SPTLC2: variants seen among roughly 807,000 people sequenced by gnomAD.
SPTLC2 encodes the protein serine palmitoyltransferase 2.
In SPTLC2, 21 loss-of-function variants were observed where a neutral mutation model predicts 62.0. That is an observed-to-expected ratio of 0.34 (90% CI 0.24 to 0.49). The LOEUF (loss-of-function observed/expected upper bound fraction) is 0.49. Ranked by LOEUF, SPTLC2 falls within the 20% of genes least tolerant of loss-of-function variation. SPTLC2 has a pLI of 0.99. For synonymous variants in SPTLC2, 261 were observed against 261.8 expected, an observed-to-expected ratio of 1.00 and a Z score of 0.03; for missense variants, 511 against 713.0, an observed-to-expected ratio of 0.72 and a Z score of 3.23.
intron 2 of SPTLC2, among the ~76,000 whole-genome samples, chr14:77,582,000 T>G (rs557875576): frequency 3.3e-5 from 5 of 152,172 alleles, no homozygotes; most frequent in Admixed American, 2.0e-4. Context: ...GTACTAACGC[T>G]TCTAATGAAG....
In SPTLC2 at chr14:77,578,732, A is replaced by T. The variant is rs1997561; in HGVS notation, c.482+223T>A. 184,535 of 463,602 alleles carry T rather than the reference A, an allele frequency of 0.4. 41,096 individuals carry two copies. The highest frequency in any genetic ancestry group is 0.45 in the Non-Finnish European group (116,361 of 259,742). 28.7% of individuals were successfully genotyped at this position (463,602 alleles called of 1,614,324 possible). On this transcript the variant is annotated intron_variant, in intron 3 of 11. Transcript: ENST00000216484. Reference sequence around the variant, plus strand: ...GAAACTCCATCTCAAAAAATAAATAAGCCAAATTTTCTTCTGAACTATAAT... The same window carrying T: ...GAAACTCCATCTCAAAAAATAAATATGCCAAATTTTCTTCTGAACTATAAT...
chr14:77,520,327 C>T (rs2079379696), intron 10 of SPTLC2, among the ~76,000 whole-genome samples: 1 of 152,216 alleles, frequency 6.6e-6, no homozygotes, highest in South Asian at 2.1e-4. Flanking sequence ...AGCACCTTTT[C>T]CTTACTTCCC....
intron 2 of SPTLC2, among the ~76,000 whole-genome samples, chr14:77,580,689 C>T (rs2079745053): frequency 6.6e-6 from 1 of 152,096 alleles, no homozygotes; most frequent in Non-Finnish European, 1.5e-5. Context: ...CACCACTGCA[C>T]TCCAGTCTGT....
At chr14:77,571,260 C>T (rs2079680817) in intron 4 of SPTLC2, among the ~76,000 whole-genome samples, 1 of 152,142 alleles carries the variant, frequency 6.6e-6, no homozygotes, top group Admixed American at 6.5e-5. Flanking sequence ...CCTGTAATTC[C>T]AGCACTTTGG....
At chr14:77,614,913 G>A (rs1176107406) in intron 1 of SPTLC2, among the ~76,000 whole-genome samples, 9 of 151,278 alleles carry the variant, frequency 5.9e-5, no homozygotes, top group Admixed American at 1.3e-4. Context: ...GGAGGCTGCA[G>A]TGAGCCGAGA....
rs139469733 is a variant in SPTLC2, at chr14:77,578,155, A to T, written c.482+800T>A. 3.9e-5 allele frequency among the ~76,000 whole-genome samples: 6 copies of T among 152,010 alleles called. No homozygotes were observed. In the South Asian group the frequency reaches 8.3e-4, roughly 21 times the overall value. The stretch of plus-strand genomic sequence containing the variant: ...GCGAGACTCTGACTCAAATAAATGA[A>T]TAAGTAAACAAACAAACAAATACAA... On this transcript the variant is annotated intron_variant, in intron 3 of 11. Coordinates refer to ENST00000216484, the MANE Select transcript of SPTLC2 (RefSeq NM_004863.4).
At chr14:77,602,690 C>A (rs2079884704) in intron 1 of SPTLC2, among the ~76,000 whole-genome samples, 1 of 151,982 alleles carries the variant, frequency 6.6e-6, no homozygotes, top group Non-Finnish European at 1.5e-5. Flanking sequence ...GCTGGGACCA[C>A]AGCACAATAA....
At chr14:77,600,997 CAT>C (rs1477219781) in intron 1 of SPTLC2, among the ~76,000 whole-genome samples, 1 of 152,088 alleles carries the variant, frequency 6.6e-6, no homozygotes, top group Non-Finnish European at 1.5e-5. Flanking sequence ...ATGTGTAATA[CAT>C]ATGTTTCCAT....
At chr14:77,534,245 A>C (rs1355651141) in intron 9 of SPTLC2, among the ~76,000 whole-genome samples, 1 of 151,394 alleles carries the variant, frequency 6.6e-6, no homozygotes, top group Non-Finnish European at 1.5e-5. Context: ...AAAAGTCTCA[A>C]AGGGAACATG....
At chr14:77,553,344 T>C (rs938115407) in intron 8 of SPTLC2, among the ~76,000 whole-genome samples, 1 of 152,314 alleles carries the variant, frequency 6.6e-6, no homozygotes, top group East Asian at 1.9e-4. Context: ...ATTATTTTTC[T>C]ATCCTTTGGT....
chr14:77,516,007 CGCGCGCGCGCATGTGT>C (rs1566766244), intron 11 of SPTLC2, among the ~76,000 whole-genome samples: 3 of 34,044 alleles, frequency 8.8e-5, no homozygotes, highest in Non-Finnish European at 2.3e-4. Flanking sequence ...TGTGTGTGTG[CGCGCGCGCGCATGTGT>C]GTGTGTGTAT....
intron 5 of SPTLC2, among the ~76,000 whole-genome samples, chr14:77,569,851 T>TAAA (rs1566783362): frequency 0.027 from 907 of 34,012 alleles, 53 homozygotes; most frequent in East Asian, 0.1. Context: ...ATATTATATA[T>TAAA]ATGTATATAA....
intron 7 of SPTLC2, 101 bp from the exon 8 acceptor site, chr14:77,555,620 CTT>C: frequency 5.8e-6 from 6 of 1,039,026 alleles, no homozygotes; most frequent in South Asian, 1.6e-5. Flanking sequence ...TTTACTGCTT[CTT>C]TTTTTTTTCT....
chr14:77,563,549 C>A (rs1414507716), intron 5 of SPTLC2, among the ~76,000 whole-genome samples: 1 of 152,180 alleles, frequency 6.6e-6, no homozygotes, highest in African/African-American at 2.4e-5. Flanking sequence ...CCTCAGCGTC[C>A]CAGCTAGCTG....
chr14:77,572,203 A>T (rs2079687860), intron 4 of SPTLC2, among the ~76,000 whole-genome samples: 1 of 152,200 alleles, frequency 6.6e-6, no homozygotes, highest in African/African-American at 2.4e-5. Context: ...TCATTTCTGG[A>T]GTGCCAGTTA....
chr14:77,561,337 T>C (rs367755054), intron 6 of SPTLC2, among the ~76,000 whole-genome samples: 3 of 152,124 alleles, frequency 2.0e-5, no homozygotes, highest in African/African-American at 7.2e-5. Flanking sequence ...AGGCCAGGCA[T>C]GATGGCTCAC....
intron 10 of SPTLC2, among the ~76,000 whole-genome samples, chr14:77,520,838 G>A (rs75645570): frequency 0.012 from 1,850 of 152,246 alleles, 42 homozygotes; most frequent in African/African-American, 0.041. Flanking sequence ...CCCACTGCTC[G>A]CCCTGGGGCA....
chr14:77,544,108 T>G (rs1406429270), intron 9 of SPTLC2, among the ~76,000 whole-genome samples: 1 of 152,090 alleles, frequency 6.6e-6, no homozygotes, highest in Non-Finnish European at 1.5e-5. Flanking sequence ...GCTGGGTTTG[T>G]GCAATCCTCC....
chr14:77,516,017 CAT>C (rs1015712023), intron 11 of SPTLC2, among the ~76,000 whole-genome samples: 11 of 24,608 alleles, frequency 4.5e-4, no homozygotes, highest in Admixed American at 1.2e-3. Context: ...CGCGCGCGCG[CAT>C]GTGTGTGTGT....
Sources: gnomAD v4.1 joint callset for allele counts (sites outside exome capture counted in the v4.1 genomes callset) on GRCh38, gnomAD v4.1.1 for gene constraint, MANE v1.5 for transcripts, NCBI Gene and HGNC (gene_info 2026-07-23, HGNC 2026-07-21) for gene names.